The following DGLUCY variants were observed in gnomAD, a reference collection of about 807,000 sequenced individuals.
DGLUCY encodes D-glutamate cyclase, also known as D-glutamate cyclase, mitochondrial.
Under a neutral mutation model 58.5 loss-of-function variants are expected in DGLUCY, and 58 were observed. The observed-to-expected ratio is 0.99, with a 90% confidence interval of 0.80 to 1.23. The LOEUF is 1.23. Ranked by LOEUF, DGLUCY falls within the 50% of genes most tolerant of loss-of-function variation. The probability of loss-of-function intolerance (pLI) is 0.00; values close to 1 mark genes in which losing one functional copy is unlikely to be tolerated. For missense variants in DGLUCY, 779 were observed against 784.7 expected, an observed-to-expected ratio of 0.99 and a Z score of 0.09; for synonymous variants, 325 against 314.1, an observed-to-expected ratio of 1.03 and a Z score of -0.37.
chr14:91,074,281 C>T (rs144191470), intron 1 of DGLUCY, among the ~76,000 whole-genome samples: 1,463 of 123,014 alleles, frequency 0.012, 25 homozygotes, highest in African/African-American at 0.039. Context: ...GGCAACTGAG[C>T]GATACCCTGT....
intron 1 of DGLUCY, 96 bp from the exon 2 acceptor site, chr14:91,157,543 T>G (rs1281256521): frequency 1.3e-5 from 2 of 152,042 alleles, no homozygotes; most frequent in African/African-American, 2.4e-5. Flanking sequence ...TGGCACACTG[T>G]GGGTCACCAT....
intron 13 of DGLUCY, chr14:91,220,467 G>A (rs1169954329): frequency 2.2e-6 from 1 of 456,362 alleles, no homozygotes; most frequent in South Asian, 1.5e-5. Flanking sequence ...GTGTCAGGGT[G>A]TCCCTGAGCC....
chr14:91,078,151 C>T (rs565595764), intron 1 of DGLUCY, among the ~76,000 whole-genome samples: 1 of 152,286 alleles, frequency 6.6e-6, no homozygotes, highest in South Asian at 2.1e-4. Context: ...GCCTCAGCCT[C>T]CCGAGTAGCT....
chr14:91,187,517 G>A (rs183893906), intron 8 of DGLUCY, among the ~76,000 whole-genome samples: 5 of 152,166 alleles, frequency 3.3e-5, no homozygotes, highest in Admixed American at 6.5e-5. Flanking sequence ...GCCACTGGTG[G>A]GCACCTGTAG....
chr14:91,147,368 T>C (rs2047066222), intron 1 of DGLUCY, among the ~76,000 whole-genome samples: 2 of 152,094 alleles, frequency 1.3e-5, no homozygotes, highest in South Asian at 4.1e-4. Flanking sequence ...CCGAGCAAGG[T>C]AGGGCATAAC....
Position 91,170,195 on chromosome 14 carries a change from A to G in DGLUCY, c.450A>G (p.Ala150=), listed in dbSNP as rs972116473. 6.2e-7 allele frequency: 1 copy of G among 1,613,470 alleles called. No homozygotes were observed. The highest frequency in any genetic ancestry group is 1.7e-5 in the Admixed American group (1 of 60,014). The stretch of plus-strand genomic sequence containing the variant: ...CAGCAGGTCACAGCCAGGCGGGTGC[A>G]TACAAGGTAGGGACACAGCCCACAG... The part of the protein sequence containing the change: ...RDPAGHSQAG[A]YKTTVPCVTH... Residue 150 remains alanine (A), a synonymous_variant, in exon 5 of 14, where the codon GCA becomes GCG. Coordinates refer to ENST00000256324, the MANE Select transcript of DGLUCY (RefSeq NM_001102368.3).
Position 91,135,357 on chromosome 14 carries a change from TG to T in DGLUCY, c.-82+21076del, listed in dbSNP as rs1340379563. ...TGCTTTCAACATTCACCATTAAGTATGGTATAGGCAGGCCAGGCACGGTGGC... is the reference window on the plus strand; with the variant it reads ...TGCTTTCAACATTCACCATTAAGTATGTATAGGCAGGCCAGGCACGGTGGC... On this transcript the variant is annotated intron_variant, in intron 1 of 13. Transcript: ENST00000256324. Among the ~76,000 whole-genome samples, 3 of 152,280 alleles carry T rather than the reference TG, an allele frequency of 2.0e-5. No homozygotes were observed. In the East Asian group the frequency reaches 5.8e-4, roughly 29 times the overall value.
intron 4 of DGLUCY, among the ~76,000 whole-genome samples, chr14:91,169,064 G>C (rs1329508713): frequency 6.6e-6 from 1 of 151,522 alleles, no homozygotes; most frequent in Non-Finnish European, 1.5e-5. Context: ...TCCAGGCTGG[G>C]CAACAGAGCA....
At chr14:91,167,152 AAG>A in intron 3 of DGLUCY, 71 bp from the exon 4 acceptor site, 2 of 1,495,886 alleles carry the variant, frequency 1.3e-6, no homozygotes, top group Non-Finnish European at 1.8e-6. Flanking sequence ...AAAAAAAAAA[AAG>A]AAAGAAAATC....
chr14:91,223,630 A>G (rs756475575), intron 13 of DGLUCY: 2 of 1,263,728 alleles, frequency 1.6e-6, no homozygotes, highest in Non-Finnish European at 2.1e-6. Context: ...TTTTGGAAGG[A>G]GGGGGGATGG....
intron 8 of DGLUCY, among the ~76,000 whole-genome samples, chr14:91,188,006 C>G (rs1350519758): frequency 6.6e-6 from 1 of 152,114 alleles, no homozygotes; most frequent in Non-Finnish European, 1.5e-5. Context: ...TATGTTTTCC[C>G]TGTATTAGTT....
chr14:91,061,640 A>G (rs886446538), intron 1 of DGLUCY, among the ~76,000 whole-genome samples: 3 of 152,246 alleles, frequency 2.0e-5, no homozygotes, highest in Admixed American at 1.3e-4. Context: ...AATACCAGCA[A>G]TAGACATTCC....
chr14:91,170,688 A>G (rs1263401771), intron 5 of DGLUCY, among the ~76,000 whole-genome samples: 1 of 152,118 alleles, frequency 6.6e-6, no homozygotes, highest in Non-Finnish European at 1.5e-5. Context: ...AACACAGCAC[A>G]GCCGGCGTCT....
intron 1 of DGLUCY, among the ~76,000 whole-genome samples, chr14:91,087,092 A>G (rs1320939775): frequency 1.3e-5 from 2 of 152,198 alleles, no homozygotes; most frequent in African/African-American, 4.8e-5. Flanking sequence ...AACAGAGTCT[A>G]GAAGTTTGCC....
intron 7 of DGLUCY, among the ~76,000 whole-genome samples, chr14:91,177,855 G>A (rs1295361960): frequency 1.3e-5 from 2 of 152,254 alleles, no homozygotes; most frequent in Non-Finnish European, 2.9e-5. Context: ...TGCCAGGCAT[G>A]CACCCAGGCC....
intron 12 of DGLUCY, among the ~76,000 whole-genome samples, chr14:91,213,994 C>A (rs1477130368): frequency 3.3e-5 from 5 of 151,532 alleles, no homozygotes; most frequent in Admixed American, 6.6e-5. Context: ...GCCACCGTGC[C>A]CGGCCAAGGG....
intron 1 of DGLUCY, among the ~76,000 whole-genome samples, chr14:91,132,589 C>T (rs1490152004): frequency 6.6e-6 from 1 of 152,042 alleles, no homozygotes; most frequent in Non-Finnish European, 1.5e-5. Context: ...AACGATTCTC[C>T]TGCCTCAGCC....
chr14:91,153,897 T>C (rs1162571389), intron 1 of DGLUCY, among the ~76,000 whole-genome samples: 1 of 152,076 alleles, frequency 6.6e-6, no homozygotes, highest in African/African-American at 2.4e-5. Flanking sequence ...CAGGTTTTTA[T>C]TATTTTTGTT....
chr14:91,211,739 A>G (rs1885707106), intron 12 of DGLUCY, among the ~76,000 whole-genome samples: 1 of 152,220 alleles, frequency 6.6e-6, no homozygotes, highest in South Asian at 2.1e-4. Flanking sequence ...AACTCCTGTA[A>G]GGTAACATAG....
Sources: gnomAD v4.1 joint callset for allele counts (sites outside exome capture counted in the v4.1 genomes callset) on GRCh38, gnomAD v4.1.1 for gene constraint, MANE v1.5 for transcripts, NCBI Gene and HGNC (gene_info 2026-07-23, HGNC 2026-07-21) for gene names.